NAALADL2: variants seen among roughly 807,000 people sequenced by gnomAD.
NAALADL2 encodes the protein inactive N-acetylated-alpha-linked acidic dipeptidase-like protein 2.
In NAALADL2, 76 loss-of-function variants were observed where a neutral mutation model predicts 87.2. The ratio of observed to expected loss-of-function variants is 0.87; its 90% CI spans 0.72 to 1.05. NAALADL2 has a LOEUF of 1.05. NAALADL2 is among the 50% of genes least tolerant of loss of function. NAALADL2 has a pLI of 0.00. For synonymous variants in NAALADL2, 354 were observed against 331.0 expected (o/e 1.07, Z -0.75); for missense variants, 1,089 against 945.8 (o/e 1.15, Z -1.99).
intron 12 of NAALADL2, among the ~76,000 whole-genome samples, chr3:175,739,988 G>T (rs1745021231): frequency 6.6e-6 from 1 of 152,090 alleles, no homozygotes; most frequent in African/African-American, 2.4e-5. Flanking sequence ...GTAAATTTCG[G>T]ATTCATCCTA....
At chr3:175,478,662 A>G (rs1453440878) in intron 9 of NAALADL2, among the ~76,000 whole-genome samples, 2 of 151,886 alleles carry the variant, frequency 1.3e-5, no homozygotes, top group Non-Finnish European at 2.9e-5. Context: ...CATTGTTAAA[A>G]TGGCTTAAGC....
At chr3:175,543,674 G>T (rs1712780862) in intron 9 of NAALADL2, among the ~76,000 whole-genome samples, 1 of 152,062 alleles carries the variant, frequency 6.6e-6, no homozygotes, top group Non-Finnish European at 1.5e-5. Context: ...ACAGCATGGA[G>T]GTAACCACCC....
intron 5 of NAALADL2, among the ~76,000 whole-genome samples, chr3:175,413,567 C>G (rs1412661228): frequency 4.5e-5 from 6 of 132,588 alleles, no homozygotes; most frequent in African/African-American, 1.7e-4. Context: ...GAGACTCCAT[C>G]AAAAAAAAAA....
intron 1 of NAALADL2, among the ~76,000 whole-genome samples, chr3:174,537,988 A>G (rs1461814195): frequency 2.0e-5 from 3 of 148,644 alleles, no homozygotes; most frequent in Non-Finnish European, 4.4e-5. Flanking sequence ...TTGATTCCCC[A>G]GGATCTATTG....
chr3:175,591,792 ATATATATATATATATATATATATAT>A, intron 10 of NAALADL2, among the ~76,000 whole-genome samples: 1 of 8,270 alleles, frequency 1.2e-4, no homozygotes. Flanking sequence ...GTGTATATAT[ATATATATATATATATATATATATAT>A]ATATATATAT....
intron 1 of NAALADL2, among the ~76,000 whole-genome samples, chr3:175,075,199 T>G (rs1258924000): frequency 6.6e-6 from 1 of 152,150 alleles, no homozygotes; most frequent in Non-Finnish European, 1.5e-5. Flanking sequence ...GTGGTGAAGC[T>G]GTCAAACAGT....
chr3:175,120,717 A>G (rs1408022560), intron 2 of NAALADL2, among the ~76,000 whole-genome samples: 1 of 151,840 alleles, frequency 6.6e-6, no homozygotes, highest in Non-Finnish European at 1.5e-5. Context: ...AGCTATTTTC[A>G]ACACCTGTGC....
At chr3:174,712,316 A>G (rs1317243441) in intron 2 of NAALADL2, among the ~76,000 whole-genome samples, 1 of 149,602 alleles carries the variant, frequency 6.7e-6, no homozygotes, top group African/African-American at 2.5e-5. Flanking sequence ...TCCTAATGCT[A>G]TGATAATAAT....
At chr3:175,249,086 T>C (rs1748532776) in intron 3 of NAALADL2, among the ~76,000 whole-genome samples, 1 of 152,242 alleles carries the variant, frequency 6.6e-6, no homozygotes, top group East Asian at 1.9e-4. Flanking sequence ...ATTTATTTAG[T>C]TTGGAAATAG....
intron 2 of NAALADL2, among the ~76,000 whole-genome samples, chr3:175,150,078 C>A (rs1255072411): frequency 6.6e-6 from 1 of 152,146 alleles, no homozygotes. Flanking sequence ...ACTTCCCTGG[C>A]AGCATATGTT....
intron 5 of NAALADL2, among the ~76,000 whole-genome samples, chr3:175,412,156 T>A (rs987965607): frequency 2.0e-5 from 3 of 152,218 alleles, no homozygotes; most frequent in Non-Finnish European, 4.4e-5. Context: ...GTATTTTTAT[T>A]CTAAGTTGAC....
intron 1 of NAALADL2, among the ~76,000 whole-genome samples, chr3:175,027,620 T>G (rs541966530): frequency 9.9e-5 from 15 of 152,234 alleles, no homozygotes; most frequent in Middle Eastern, 6.8e-3. Context: ...TTCTTTTATT[T>G]CACAATTTTC....
chr3:174,593,872 T>A (rs901606752), intron 2 of NAALADL2, among the ~76,000 whole-genome samples: 2 of 152,152 alleles, frequency 1.3e-5, no homozygotes, highest in Non-Finnish European at 2.9e-5. Flanking sequence ...GGGTAAGCAG[T>A]AATTGAGACT....
At chr3:175,326,792 A>G (rs1228885025) in intron 5 of NAALADL2, among the ~76,000 whole-genome samples, 3 of 152,168 alleles carry the variant, frequency 2.0e-5, no homozygotes, top group Non-Finnish European at 4.4e-5. Context: ...GCCTGCTCTC[A>G]TGATAACAGC....
intron 1 of NAALADL2, among the ~76,000 whole-genome samples, chr3:174,953,307 TCCCCTCCC>T (rs1560406741): frequency 0.24 from 2,653 of 10,998 alleles, 258 homozygotes; most frequent in African/African-American, 0.44. Context: ...TCCCCTCCCC[TCCCCTCCC>T]CTCCCCTCCC....
chr3:174,607,065 T>C (rs951761918), intron 2 of NAALADL2, among the ~76,000 whole-genome samples: 2 of 151,958 alleles, frequency 1.3e-5, no homozygotes, highest in Admixed American at 1.3e-4. Context: ...CCAGCCAAAC[T>C]AAGCTTCATA....
intron 1 of NAALADL2, among the ~76,000 whole-genome samples, chr3:174,987,148 T>G (rs1745983601): frequency 6.6e-6 from 1 of 152,166 alleles, no homozygotes; most frequent in South Asian, 2.1e-4. Flanking sequence ...AGTGCTGAAA[T>G]TTAGGGTTTA....
At chr3:174,516,486 G>C (rs1670463988) in intron 1 of NAALADL2, among the ~76,000 whole-genome samples, 3 of 151,940 alleles carry the variant, frequency 2.0e-5, no homozygotes, top group Admixed American at 2.0e-4. Context: ...TACTAACCTA[G>C]AGTTGGGTTT....
intron 1 of NAALADL2, among the ~76,000 whole-genome samples, chr3:174,446,789 G>T (rs1577930632): frequency 6.6e-6 from 1 of 151,980 alleles, no homozygotes. Flanking sequence ...ACATCTTCTG[G>T]GGCAGTATAA....
Sources: gnomAD v4.1 joint callset for allele counts (sites outside exome capture counted in the v4.1 genomes callset) on GRCh38, gnomAD v4.1.1 for gene constraint, MANE v1.5 for transcripts, NCBI Gene and HGNC (gene_info 2026-07-23, HGNC 2026-07-21) for gene names.